Variants in PRKCI observed in about 807,000 individuals in gnomAD.
PRKCI encodes protein kinase C iota type.
A neutral mutation model predicts 84.0 loss-of-function variants in PRKCI; 43 were observed. The ratio of observed to expected loss-of-function variants is 0.51; its 90% CI spans 0.40 to 0.66. The LOEUF (loss-of-function observed/expected upper bound fraction) is 0.66. Among genes scored for constraint, PRKCI ranks in the 30% least tolerant of loss-of-function variants. The pLI, the probability that PRKCI is intolerant of heterozygous loss-of-function variation, is 0.00. For missense variants in PRKCI, 459 were observed against 745.6 expected, an observed-to-expected ratio of 0.62 and a Z score of 4.48; for synonymous variants, 216 against 234.4, an observed-to-expected ratio of 0.92 and a Z score of 0.72.
chr3:170,236,730 G>A (rs193280764), intron 2 of PRKCI, among the ~76,000 whole-genome samples: 64 of 151,934 alleles, frequency 4.2e-4, no homozygotes, highest in African/African-American at 1.4e-3. Context: ...TGGTGGTAGC[G>A]TGCACCTGTG....
intron 1 of PRKCI, among the ~76,000 whole-genome samples, chr3:170,227,741 C>T (rs550746183): frequency 6.0e-4 from 91 of 152,298 alleles, no homozygotes; most frequent in Non-Finnish European, 1.0e-3. Context: ...TGTCATACTG[C>T]AGAGTTTAGA....
rs768511407 is a variant in PRKCI at position 170,303,000 on chromosome 3, CTTGA to C, written c.1704-37_1704-34del. ...TTTACCATTTAAAGGTTGAAGAAAT[CTTGA>C]TTATGATGAAAATAAATTTATTTTT... On this transcript the variant is annotated intron_variant, in intron 17 of 17. Transcript: ENST00000295797. 9 of 1,413,612 alleles carry C rather than the reference CTTGA, an allele frequency of 6.4e-6. No homozygotes were observed. The African/African-American group carries it at 1.3e-4, about 20-fold the overall frequency. 87.6% of individuals were successfully genotyped at this position (1,413,612 alleles called of 1,614,324 possible).
At chr3:170,282,847 C>T (rs550007051) in intron 11 of PRKCI, among the ~76,000 whole-genome samples, 2 of 152,022 alleles carry the variant, frequency 1.3e-5, no homozygotes, top group South Asian at 4.2e-4. Context: ...TGGCTCATGC[C>T]TGTAATCCCA....
chr3:170,270,393 TA>T (rs1312008610), intron 5 of PRKCI, 27 bp from the exon 6 acceptor site: 3 of 1,571,088 alleles, frequency 1.9e-6, no homozygotes, highest in Non-Finnish European at 1.7e-6. Context: ...TCTTGGTTAA[TA>T]AAATATTGTT....
intron 2 of PRKCI, among the ~76,000 whole-genome samples, chr3:170,241,067 C>T (rs1733118702): frequency 6.6e-6 from 1 of 151,868 alleles, no homozygotes; most frequent in African/African-American, 2.4e-5. Context: ...TTTTAATTAA[C>T]AGATAATAAT....
chr3:170,256,204 G>C (rs1283649059), intron 2 of PRKCI, among the ~76,000 whole-genome samples: 2 of 152,164 alleles, frequency 1.3e-5, no homozygotes, highest in East Asian at 3.8e-4. Context: ...GTCTTAGAAT[G>C]AGTTTGAAAC....
chr3:170,255,539 C>T lies in PRKCI; in HGVS notation c.224-4430C>T, dbSNP rs1490364837. Among the ~76,000 whole-genome samples the T allele has an allele frequency of 2.0e-5, 3 of 152,076 alleles. No individual in the cohort carries two copies. In the East Asian group the frequency reaches 5.8e-4, roughly 29 times the overall value. Reference sequence around the variant, plus strand: ...ACTTTACTGAATTAGTTTATCTGTTCTAATAGTTTTTTTGTGGAGTCTTTA... The same window carrying T: ...ACTTTACTGAATTAGTTTATCTGTTTTAATAGTTTTTTTGTGGAGTCTTTA... On this transcript the variant is annotated intron_variant, in intron 2 of 17. Coordinates refer to ENST00000295797, the MANE Select transcript of PRKCI (RefSeq NM_002740.6).
At chr3:170,226,841 C>T (rs928657050) in intron 1 of PRKCI, among the ~76,000 whole-genome samples, 2 of 152,044 alleles carry the variant, frequency 1.3e-5, no homozygotes, top group African/African-American at 4.8e-5. Context: ...GCACCTAATC[C>T]TAGGGCAGCT....
chr3:170,277,526 C>T (rs1298320), intron 8 of PRKCI, among the ~76,000 whole-genome samples: 1 of 151,934 alleles, frequency 6.6e-6, no homozygotes, highest in African/African-American at 2.4e-5. Flanking sequence ...AACATAGTCT[C>T]TACTAAAAAT....
intron 2 of PRKCI, among the ~76,000 whole-genome samples, chr3:170,241,046 T>G (rs983931550): frequency 2.6e-5 from 4 of 152,110 alleles, no homozygotes; most frequent in Non-Finnish European, 5.9e-5. Context: ...TTTCAGTTCT[T>G]TTTTTTAAAT....
chr3:170,292,632 C>T (rs980936233), intron 13 of PRKCI, among the ~76,000 whole-genome samples: 20 of 151,724 alleles, frequency 1.3e-4, no homozygotes, highest in Non-Finnish European at 2.8e-4. Context: ...ATGGCGTGAA[C>T]CCGGGAGGCG....
chr3:170,228,558 G>GA (rs944751513), intron 1 of PRKCI, among the ~76,000 whole-genome samples: 14 of 151,754 alleles, frequency 9.2e-5, no homozygotes, highest in Non-Finnish European at 1.6e-4. Flanking sequence ...CTGGGCAACA[G>GA]AGTGAGACCC....
intron 2 of PRKCI, among the ~76,000 whole-genome samples, chr3:170,241,742 C>T (rs190456483): frequency 2.2e-4 from 33 of 147,684 alleles, no homozygotes; most frequent in African/African-American, 8.9e-4. Context: ...GCAATTATAG[C>T]TCACTGCAGC....
chr3:170,239,107 C>T (rs1344033749), intron 2 of PRKCI, among the ~76,000 whole-genome samples: 24 of 152,158 alleles, frequency 1.6e-4, no homozygotes, highest in Admixed American at 1.4e-3. Context: ...ACTAGTTTTT[C>T]ACACAACTAC....
intron 2 of PRKCI, among the ~76,000 whole-genome samples, chr3:170,253,830 C>G (rs1180411782): frequency 6.6e-6 from 1 of 151,520 alleles, no homozygotes; most frequent in East Asian, 1.9e-4. Flanking sequence ...GGGATGGTGT[C>G]TCACGCTTGT....
At chr3:170,252,013 A>G (rs1733461641) in intron 2 of PRKCI, among the ~76,000 whole-genome samples, 1 of 152,154 alleles carries the variant, frequency 6.6e-6, no homozygotes, top group African/African-American at 2.4e-5. Flanking sequence ...CAGGAGATCG[A>G]TACCATCCTG....
chr3:170,248,055 T>C (rs997584749), intron 2 of PRKCI, among the ~76,000 whole-genome samples: 1 of 151,976 alleles, frequency 6.6e-6, no homozygotes, highest in Non-Finnish European at 1.5e-5. Context: ...GAACAGAGAG[T>C]GAGAGTCTGT....
chr3:170,295,913 AT>A lies in PRKCI; in HGVS notation c.1424del (p.Leu475TrpfsTer13). On this transcript the variant is annotated frameshift_variant, in exon 15 of 18. Coordinates refer to ENST00000295797, the MANE Select transcript of PRKCI (RefSeq NM_002740.6). LOFTEE classifies it high-confidence loss of function. ...TACTATAATTTTTATCTTTCTAGTT[AT>A]TTTGGAAAAACAAATTCGCATACCA... ...QNTEDYLFQVILEKQIRIPRS... is the reference protein window; with the variant it reads ...QNTEDYLFQVXLEKQIRIPRS... 1.3e-6 allele frequency: 2 copies of A among 1,554,492 alleles called. No individual in the cohort carries two copies. Among genetic ancestry groups the A allele is most frequent in the Non-Finnish European group, 1.7e-6 (2 of 1,143,160 alleles).
chr3:170,232,256 G>T (rs894547890), intron 1 of PRKCI, among the ~76,000 whole-genome samples: 50 of 152,044 alleles, frequency 3.3e-4, no homozygotes, highest in African/African-American at 1.1e-3. Context: ...TCCCTGTGTT[G>T]CCCAGGCAGG....
Sources: allele counts gnomAD v4.1 joint callset (sites outside exome capture counted in the v4.1 genomes callset), GRCh38; gene constraint gnomAD v4.1.1; transcripts MANE v1.5; gene names NCBI Gene and HGNC (gene_info 2026-07-23, HGNC 2026-07-21).